TDRD9: variants seen among roughly 807,000 people sequenced by gnomAD.
TDRD9 encodes the protein ATP-dependent RNA helicase TDRD9.
In TDRD9, 124 loss-of-function variants were observed where a neutral mutation model predicts 172.6. The observed-to-expected ratio is 0.72, with a 90% CI of 0.62 to 0.83. The LOEUF is 0.83. Ranked by LOEUF, TDRD9 falls within the 40% of genes least tolerant of loss-of-function variation. The pLI is 0.00. For synonymous variants in TDRD9, 619 were observed against 617.1 expected (o/e 1.00, Z -0.05); for missense variants, 1,479 against 1,714.1 (o/e 0.86, Z 2.42).
Position 103,991,106 on chromosome 14 carries a change from G to A in TDRD9, c.1116-54G>A, listed in dbSNP as rs1246318069. 24 of 1,600,226 alleles carry A rather than the reference G, an allele frequency of 1.5e-5. No individual in the cohort carries two copies. The Admixed American group carries it at 2.2e-4, about 15-fold the overall frequency. On this transcript the variant is annotated intron_variant, in intron 8 of 35. Coordinates refer to ENST00000409874, the MANE Select transcript of TDRD9 (RefSeq NM_153046.3). ...CCTGTAATATTAGGATTTTAGAGAA[G>A]CAATAGCTGTTATTAGCCTTCATTA...
In TDRD9 at chr14:104,031,161, A is replaced by G. The variant is rs375564557; in HGVS notation, c.3336A>G (p.Thr1112=). The G allele has an allele frequency of 1.4e-4, 220 of 1,551,634 alleles. No homozygotes were observed. Among genetic ancestry groups the G allele is most frequent in the Non-Finnish European group, 1.8e-4 (212 of 1,146,982 alleles). Residue 1112 remains threonine, a synonymous_variant, in exon 29 of 36, where the codon ACA becomes ACG. Coordinates refer to ENST00000409874, the MANE Select transcript of TDRD9 (RefSeq NM_153046.3). ...TTTCCAAGTCAGTAGAAAACATGAC[A>G]GATGGCTCTGTGCCCTTTCCCATGA... ...GLFSKSVENM[T]DGSVPFPMKD... is the part of the protein sequence containing the mutation.
intron 3 of TDRD9, among the ~76,000 whole-genome samples, chr14:103,963,991 G>A (rs2032625079): frequency 6.6e-6 from 1 of 152,144 alleles, no homozygotes; most frequent in Non-Finnish European, 1.5e-5. Flanking sequence ...GAAGTTACTT[G>A]TTTCCAAATA....
chr14:104,024,755 C>T (rs2035063955), intron 25 of TDRD9, 75 bp downstream of exon 25: 2 of 83,230 alleles, frequency 2.4e-5, no homozygotes, highest in Non-Finnish European at 4.2e-5. Flanking sequence ...AGTTTACACA[C>T]ACACACACAC....
At chr14:103,933,159 C>G (rs1318063146) in intron 1 of TDRD9, among the ~76,000 whole-genome samples, 1 of 152,174 alleles carries the variant, frequency 6.6e-6, no homozygotes, top group South Asian at 2.1e-4. Flanking sequence ...GGTGATTATT[C>G]TTTCTGTTAT....
chr14:104,025,516 C>A, intron 25 of TDRD9, 48 bp from the exon 26 acceptor site: 3 of 1,526,910 alleles, frequency 2.0e-6, no homozygotes, highest in Non-Finnish European at 1.8e-6. Flanking sequence ...TTCCTCCTTA[C>A]AAAAGTCCTT....
At chr14:103,978,488 T>C (rs2033344808) in intron 7 of TDRD9, among the ~76,000 whole-genome samples, 1 of 152,242 alleles carries the variant, frequency 6.6e-6, no homozygotes, top group Non-Finnish European at 1.5e-5. Flanking sequence ...TTGGTTTGAC[T>C]GTATTTTCCA....
intron 19 of TDRD9, among the ~76,000 whole-genome samples, chr14:104,008,032 GC>G (rs2034500219): frequency 1.3e-5 from 2 of 152,270 alleles, no homozygotes; most frequent in Middle Eastern, 3.4e-3. Context: ...GCCCGCCTCG[GC>G]CTCCCAAAGT....
At chr14:104,030,829 G>A (rs1394335148) in intron 28 of TDRD9, among the ~76,000 whole-genome samples, 1 of 152,162 alleles carries the variant, frequency 6.6e-6, no homozygotes, top group Non-Finnish European at 1.5e-5. Flanking sequence ...GGACTGTTGT[G>A]GGGTGAGGGG....
chr14:103,930,059 T>A (rs761314285), intron 1 of TDRD9, among the ~76,000 whole-genome samples: 1 of 152,216 alleles, frequency 6.6e-6, no homozygotes, highest in Non-Finnish European at 1.5e-5. Flanking sequence ...AAACACCTGC[T>A]CCCTCTTCTC....
intron 1 of TDRD9, among the ~76,000 whole-genome samples, chr14:103,945,804 A>C (rs2031525004): frequency 6.6e-6 from 1 of 152,194 alleles, no homozygotes; most frequent in Non-Finnish European, 1.5e-5. Context: ...AGTACATAAA[A>C]AGAAAAGTTT....
intron 23 of TDRD9, among the ~76,000 whole-genome samples, chr14:104,021,632 G>A (rs1435538371): frequency 1.3e-5 from 2 of 152,118 alleles, no homozygotes; most frequent in Non-Finnish European, 2.9e-5. Flanking sequence ...GGCGGAGGTT[G>A]CAGTGAGCCA....
intron 1 of TDRD9, among the ~76,000 whole-genome samples, chr14:103,947,170 T>C (rs1416079640): frequency 1.3e-5 from 2 of 152,146 alleles, no homozygotes; most frequent in Admixed American, 1.3e-4. Context: ...AACAGTATGG[T>C]ATTGGCATAA....
intron 9 of TDRD9, 93 bp downstream of exon 9, chr14:103,991,317 C>G (rs1217959932): frequency 7.7e-7 from 1 of 1,300,148 alleles, no homozygotes; most frequent in Non-Finnish European, 1.1e-6. Flanking sequence ...ATGGTATTCT[C>G]CATAGGACTT....
chr14:104,005,954 G>A (rs2034424734), intron 15 of TDRD9, among the ~76,000 whole-genome samples: 1 of 152,182 alleles, frequency 6.6e-6, no homozygotes, highest in Admixed American at 6.5e-5. Flanking sequence ...TGAGACTGAG[G>A]TGTGAGCCAC....
chr14:104,052,510 A>G lies in TDRD9; in HGVS notation c.*428A>G, dbSNP rs2035962371. 2 of 152,736 alleles carry G rather than the reference A, an allele frequency of 1.3e-5. No homozygotes were observed. The highest frequency in any genetic ancestry group is 2.9e-5 in the Non-Finnish European group (2 of 68,450). 9.5% of individuals were successfully genotyped at this position (152,736 alleles called of 1,614,324 possible). ...AAAAACTTAAAAAAACAAAAAAACC[A>G]TGTAGTATTTTCTGATTTTTTTTTC... On this transcript the variant is annotated 3_prime_UTR_variant, in exon 36 of 36. Coordinates refer to ENST00000409874, the MANE Select transcript of TDRD9 (RefSeq NM_153046.3).
chr14:103,982,523 A>G (rs2033513620), intron 7 of TDRD9, among the ~76,000 whole-genome samples: 1 of 152,172 alleles, frequency 6.6e-6, no homozygotes. Context: ...CTGTGGTGGC[A>G]TCCTGGTTTT....
At chr14:103,964,486 C>T (rs542441904) in intron 3 of TDRD9, among the ~76,000 whole-genome samples, 6 of 152,258 alleles carry the variant, frequency 3.9e-5, no homozygotes, top group African/African-American at 1.2e-4. Flanking sequence ...GGTTTTTCCA[C>T]AGCTATCACT....
chr14:104,038,526 C>A (rs569892028), intron 32 of TDRD9, among the ~76,000 whole-genome samples: 2 of 152,118 alleles, frequency 1.3e-5, no homozygotes, highest in Admixed American at 6.6e-5. Context: ...TGTCCAGGCT[C>A]ACATCTGGTG....
At chr14:103,984,998 T>C (rs2033609480) in intron 7 of TDRD9, among the ~76,000 whole-genome samples, 1 of 152,194 alleles carries the variant, frequency 6.6e-6, no homozygotes, top group African/African-American at 2.4e-5. Context: ...TCAGACTTGC[T>C]TGGGACCTGT....
Sources: allele counts gnomAD v4.1 joint callset (sites outside exome capture counted in the v4.1 genomes callset), GRCh38; gene constraint gnomAD v4.1.1; transcripts MANE v1.5; gene names NCBI Gene and HGNC (gene_info 2026-07-23, HGNC 2026-07-21).